MSN: variants seen among roughly 807,000 people sequenced by gnomAD.
MSN encodes epididymis luminal protein 70.
MSN carries 2 observed loss-of-function variants against 48.0 expected under a neutral mutation model. That is an observed-to-expected ratio of 0.04 (90% CI 0.02 to 0.13). The LOEUF is 0.13. Ranked by LOEUF, MSN falls within the 10% of genes least tolerant of loss-of-function variation. MSN has a pLI of 1.00. For synonymous variants in MSN, 146 were observed against 166.9 expected (o/e 0.87, Z 0.97); for missense variants, 267 against 470.1 (o/e 0.57, Z 3.99).
At chrX:65,654,103 CTTT>C (rs776587090) in intron 1 of MSN, among the ~76,000 whole-genome samples, 2 of 67,693 alleles carry the variant, frequency 3.0e-5, no homozygotes, top group Non-Finnish European at 5.3e-5. Flanking sequence ...GGAGACCCTT[CTTT>C]TTTTTTTTTT....
intron 1 of MSN, among the ~76,000 whole-genome samples, chrX:65,670,948 A>G (rs1358883897): frequency 1.7e-5 from 1 of 57,514 alleles, no homozygotes; most frequent in Admixed American, 2.1e-4. Context: ...ATATATATAT[A>G]TATATATTTA....
chrX:65,690,045 T>C (rs2071157868), intron 1 of MSN, among the ~76,000 whole-genome samples: 1 of 111,542 alleles, frequency 9.0e-6, no homozygotes, highest in African/African-American at 3.3e-5. Context: ...AGGGTGTACC[T>C]GGGGAAGTCC....
intron 2 of MSN, among the ~76,000 whole-genome samples, chrX:65,717,650 C>G (rs1040110343): frequency 3.6e-5 from 4 of 112,328 alleles, no homozygotes; most frequent in Non-Finnish European, 5.6e-5. Context: ...AATGTGCCGT[C>G]TGTGGCCAGA....
intron 1 of MSN, among the ~76,000 whole-genome samples, chrX:65,626,607 G>A (rs1054495910): frequency 2.7e-5 from 3 of 110,374 alleles, no homozygotes; most frequent in Non-Finnish European, 3.8e-5. Flanking sequence ...TGAATTCCAG[G>A]AGCTGGAAAC....
chrX:65,715,851 T>G (rs777581713), intron 1 of MSN, among the ~76,000 whole-genome samples: 13 of 111,834 alleles, frequency 1.2e-4, no homozygotes, highest in Non-Finnish European at 2.4e-4. Flanking sequence ...GGCCAGGACT[T>G]CTAATACTAT....
chrX:65,604,554 C>T (rs1240496570), intron 1 of MSN, among the ~76,000 whole-genome samples: 1 of 111,561 alleles, frequency 9.0e-6, no homozygotes, highest in East Asian at 2.8e-4. Flanking sequence ...CTGAAGGTGG[C>T]AGCAGATCAG....
In MSN at chrX:65,739,715, A is replaced by G. The variant is rs5965007; in HGVS notation, c.1570-14A>G. The G allele has an allele frequency of 0.04, 48,313 of 1,200,344 alleles. 10,437 individuals are homozygous for G. In the African/African-American group the frequency reaches 0.7, roughly 17 times the overall value. ...GAAAGCCATTGACCTCTGTGTTCCC[A>G]TACATCCTCACAGGCCCTCACTTCG... On this transcript the variant is annotated splice_polypyrimidine_tract_variant and intron_variant, in intron 12 of 12. Transcript: ENST00000360270.
At chrX:65,682,775 A>G (rs190662460) in intron 1 of MSN, among the ~76,000 whole-genome samples, 1 of 112,603 alleles carries the variant, frequency 8.9e-6, no homozygotes, top group Admixed American at 9.4e-5. Context: ...TCATGTTGGA[A>G]CTGTCTTCTT....
intron 1 of MSN, among the ~76,000 whole-genome samples, chrX:65,632,270 C>A (rs970501880): frequency 9.0e-6 from 1 of 111,588 alleles, no homozygotes; most frequent in Admixed American, 9.6e-5. Context: ...CCCCTTTTAC[C>A]GTCTCTTCCT....
upstream of MSN, among the ~76,000 whole-genome samples, chrX:65,664,223 G>C (rs1448480203): frequency 2.7e-5 from 3 of 111,531 alleles, 1 homozygote; most frequent in Non-Finnish European, 5.6e-5. Context: ...TGAAGGAACA[G>C]AAAGCCAAAT....
chrX:65,673,642 T>A (rs2070966062), intron 1 of MSN, among the ~76,000 whole-genome samples: 1 of 111,483 alleles, frequency 9.0e-6, no homozygotes, highest in African/African-American at 3.3e-5. Context: ...GGTACAGCAT[T>A]TTAAAGGCAT....
chrX:65,609,938 T>C (rs1353748109), intron 1 of MSN, among the ~76,000 whole-genome samples: 1 of 111,571 alleles, frequency 9.0e-6, no homozygotes, highest in Admixed American at 9.5e-5. Context: ...GTCTGTCTCC[T>C]CTCACTAGAA....
intron 1 of MSN, among the ~76,000 whole-genome samples, chrX:65,603,554 A>G (rs751584875): frequency 2.7e-5 from 3 of 111,670 alleles, no homozygotes; most frequent in Non-Finnish European, 5.6e-5. Flanking sequence ...TTGAAATGTG[A>G]TTACTGTGAC....
chrX:65,682,950 C>T (rs1230510112), intron 1 of MSN, among the ~76,000 whole-genome samples: 1 of 111,688 alleles, frequency 9.0e-6, no homozygotes, highest in Admixed American at 9.5e-5. Flanking sequence ...GACTGTTTAT[C>T]TGTGAGTGGC....
chrX:65,723,950 T>C (rs150974395), intron 2 of MSN, among the ~76,000 whole-genome samples: 2 of 111,268 alleles, frequency 1.8e-5, no homozygotes, highest in East Asian at 5.6e-4. Flanking sequence ...GGAACATTTA[T>C]GTTTCTGATT....
At chrX:65,724,426 G>A (rs763445867) in intron 2 of MSN, among the ~76,000 whole-genome samples, 2 of 111,176 alleles carry the variant, frequency 1.8e-5, no homozygotes, top group South Asian at 3.8e-4. Context: ...TTATAGGCAT[G>A]AGCCACCACA....
intron 2 of MSN, among the ~76,000 whole-genome samples, chrX:65,723,322 G>A (rs986524949): frequency 2.7e-5 from 3 of 111,731 alleles, no homozygotes; most frequent in African/African-American, 6.5e-5. Flanking sequence ...AGGCTTCAAA[G>A]AAATTATAGC....
At chrX:65,709,920 C>T (rs959181111) in intron 1 of MSN, among the ~76,000 whole-genome samples, 3 of 112,115 alleles carry the variant, frequency 2.7e-5, no homozygotes, top group African/African-American at 9.7e-5. Context: ...AACCTCTAGA[C>T]TGGCTGGCCA....
chrX:65,644,578 A>T (rs189275951), intron 1 of MSN, among the ~76,000 whole-genome samples: 3 of 112,356 alleles, frequency 2.7e-5, no homozygotes, highest in African/African-American at 9.7e-5. Context: ...CAAAGAAAAA[A>T]GGAAGCTCAA....
Sources: gnomAD v4.1 joint callset for allele counts (sites outside exome capture counted in the v4.1 genomes callset) on GRCh38, gnomAD v4.1.1 for gene constraint, MANE v1.5 for transcripts, NCBI Gene and HGNC (gene_info 2026-07-23, HGNC 2026-07-21) for gene names.